Variants in PCDHGA5 observed in about 807,000 individuals in gnomAD.
PCDHGA5 encodes the protein protocadherin gamma-A5.
A neutral mutation model predicts 56.7 loss-of-function variants in PCDHGA5; 36 were observed. The ratio of observed to expected loss-of-function variants is 0.64; its 90% confidence interval spans 0.49 to 0.84. The LOEUF is 0.84. Among genes scored for constraint, PCDHGA5 ranks in the 40% least tolerant of loss-of-function variants. PCDHGA5 has a pLI of 0.00. For synonymous variants in PCDHGA5, 563 were observed against 520.2 expected, an observed-to-expected ratio of 1.08 and a Z score of -1.12; for missense variants, 1,305 against 1,201.5, an observed-to-expected ratio of 1.09 and a Z score of -1.27.
At chr5:141,420,747 A>T (rs2096522944) in intron 1 of PCDHGA5, among the ~76,000 whole-genome samples, 1 of 152,220 alleles carries the variant, frequency 6.6e-6, no homozygotes, top group South Asian at 2.1e-4. Flanking sequence ...ATTGGAACCA[A>T]CTACAACCTA....
chr5:141,438,635 TACACAC>T (rs56854727), intron 1 of PCDHGA5, among the ~76,000 whole-genome samples: 557 of 33,182 alleles, frequency 0.017, 8 homozygotes, highest in South Asian at 0.028. Flanking sequence ...TATATATATA[TACACAC>T]ACACACACAC....
chr5:141,481,646 C>T (rs1425216422), intron 1 of PCDHGA5, among the ~76,000 whole-genome samples: 1 of 151,950 alleles, frequency 6.6e-6, no homozygotes, highest in African/African-American at 2.4e-5. Flanking sequence ...GGTGAAACTT[C>T]ATCTCTACTA....
intron 1 of PCDHGA5, chr5:141,428,129 C>T (rs1449809875): frequency 1.2e-6 from 2 of 1,603,336 alleles, no homozygotes; most frequent in Non-Finnish European, 1.7e-6. Context: ...CCGGGCTTTT[C>T]AGCCTGGGGC....
chr5:141,421,665 C>G (rs1227312221), intron 1 of PCDHGA5: 4 of 1,613,854 alleles, frequency 2.5e-6, no homozygotes, highest in Non-Finnish European at 2.5e-6. Flanking sequence ...TCAGTGAGCA[C>G]GCAATTCCTG....
intron 1 of PCDHGA5, chr5:141,417,914 C>T: frequency 6.2e-7 from 1 of 1,602,320 alleles, no homozygotes; most frequent in Non-Finnish European, 8.5e-7. Context: ...GGTACTATTT[C>T]CTTTGCTGCT....
At chr5:141,484,943 C>T (rs542244720) in intron 1 of PCDHGA5, 14 of 546,098 alleles carry the variant, frequency 2.6e-5, no homozygotes, top group African/African-American at 2.3e-4. Flanking sequence ...GTTCTCTGCT[C>T]AGCCTATTGG....
chr5:141,489,943 A>G lies in PCDHGA5; in HGVS notation c.2422-4864A>G. ...CCTTATCTCTGTCATCGTGCTGGAC[A>G]TCAATGATAATGCTCCAACCTTCCA... On this transcript the variant is annotated intron_variant, in intron 1 of 3. Transcript: ENST00000518069. The surrounding 1 kb of genome is among the most constrained non-coding windows in gnomAD (Gnocchi z 4.5). 5.6e-6 allele frequency: 9 copies of G among 1,614,190 alleles called. No homozygotes were observed. Among genetic ancestry groups the G allele is most frequent in the Non-Finnish European group, 7.6e-6 (9 of 1,180,016 alleles).
At chr5:141,492,487 C>G (rs1031047955) in intron 1 of PCDHGA5, among the ~76,000 whole-genome samples, 1 of 152,222 alleles carries the variant, frequency 6.6e-6, no homozygotes, top group Non-Finnish European at 1.5e-5. Flanking sequence ...CGCCCAGGAC[C>G]AGGCGAGGAC....
chr5:141,420,505 T>C (rs923726040), intron 1 of PCDHGA5: 4 of 457,906 alleles, frequency 8.7e-6, no homozygotes, highest in Middle Eastern at 6.0e-4. Context: ...GGTGACATTT[T>C]TATGAAGTAA....
intron 1 of PCDHGA5, among the ~76,000 whole-genome samples, chr5:141,488,417 C>T (rs2099675171): frequency 6.6e-6 from 1 of 152,224 alleles, no homozygotes; most frequent in Non-Finnish European, 1.5e-5. Context: ...GCCAAGCCAT[C>T]CATGCTTGGC....
At chr5:141,376,418 C>T (rs1354597104) in intron 1 of PCDHGA5, 1 of 1,614,112 alleles carries the variant, frequency 6.2e-7, no homozygotes, top group Admixed American at 1.7e-5. Flanking sequence ...TGCCGACACG[C>T]TTATCAACCA....
At chr5:141,444,531 CTG>C (rs2098439915) in intron 1 of PCDHGA5, among the ~76,000 whole-genome samples, 1 of 152,100 alleles carries the variant, frequency 6.6e-6, no homozygotes, top group Non-Finnish European at 1.5e-5. Context: ...GAGACAGTGA[CTG>C]TGTCTAGTGA....
intron 1 of PCDHGA5, chr5:141,370,618 T>C: frequency 6.2e-7 from 1 of 1,613,964 alleles, no homozygotes; most frequent in Non-Finnish European, 8.5e-7. Context: ...AAGAAATTCT[T>C]TACCGTGAGC....
intron 1 of PCDHGA5, chr5:141,416,864 G>C (rs2096066198): frequency 6.6e-6 from 1 of 151,862 alleles, no homozygotes; most frequent in Admixed American, 6.6e-5. Flanking sequence ...TTTCAGGTCA[G>C]TCAACATTTG....
intron 1 of PCDHGA5, chr5:141,433,358 CCTAT>C (rs3074541): frequency 0.23 from 113,181 of 502,952 alleles, 11,570 homozygotes; most frequent in Non-Finnish European, 0.24. Flanking sequence ...CTACTGTCTG[CCTAT>C]CTATCTATCT....
intron 1 of PCDHGA5, chr5:141,370,874 T>A (rs369229257): frequency 1.2e-6 from 2 of 1,613,942 alleles, no homozygotes; most frequent in African/African-American, 2.7e-5. Context: ...CGCAAGATCC[T>A]GATGTAGGTG....
Position 141,364,463 on chromosome 5 carries a change from G to C in PCDHGA5, c.133G>C (p.Val45Leu). The C allele has an allele frequency of 6.2e-7, 1 of 1,614,000 alleles. No homozygotes were observed. Among genetic ancestry groups the C allele is most frequent in the Admixed American group, 1.7e-5 (1 of 60,032 alleles). The stretch of plus-strand genomic sequence containing the variant: ...GGAGGAGCTGGACAAAGGCTCCTTC[G>C]TCGGCAACATAGCCAAGGACCTTGG... Reference protein sequence around the residue: ...MPEELDKGSFVGNIAKDLGLE... With the variant: ...MPEELDKGSFLGNIAKDLGLE... Residue 45 changes from valine to leucine, a missense_variant, in exon 1 of 4, where the codon GTC becomes CTC. By Grantham distance (32) the Val-to-Leu change is conservative (BLOSUM62 1). Coordinates refer to ENST00000518069, the MANE Select transcript of PCDHGA5 (RefSeq NM_018918.3).
At chr5:141,439,737 A>T (rs947754447) in intron 1 of PCDHGA5, 4 of 152,382 alleles carry the variant, frequency 2.6e-5, no homozygotes, top group Non-Finnish European at 5.9e-5. Flanking sequence ...CAGGAACGGA[A>T]CGGATTTACA....
intron 2 of PCDHGA5, among the ~76,000 whole-genome samples, chr5:141,496,769 C>T (rs1434587849): frequency 2.0e-5 from 3 of 152,064 alleles, no homozygotes; most frequent in African/African-American, 7.3e-5. Flanking sequence ...CGAGCATCTA[C>T]TATGAGCAGG....
Sources: gnomAD v4.1 joint callset for allele counts (sites outside exome capture counted in the v4.1 genomes callset) on GRCh38, gnomAD v4.1.1 for gene constraint, Gnocchi (gnomAD v3.1) non-coding constraint, MANE v1.5 for transcripts, NCBI Gene and HGNC (gene_info 2026-07-23, HGNC 2026-07-21) for gene names.